EP300: variants seen among roughly 807,000 people sequenced by gnomAD.
The protein encoded by EP300 is histone acetyltransferase p300.
In EP300, 31 loss-of-function variants were observed where a neutral mutation model predicts 264.0. The ratio of observed to expected loss-of-function variants is 0.12; its 90% CI spans 0.09 to 0.16. The LOEUF (loss-of-function observed/expected upper bound fraction) is 0.16, where lower values mean the gene tolerates loss of function less well. Ranked by LOEUF, EP300 falls within the 10% of genes least tolerant of loss-of-function variation. EP300 has a pLI of 1.00. For synonymous variants in EP300, 1,340 were observed against 1,045.4 expected, an observed-to-expected ratio of 1.28 and a Z score of -5.44; for missense variants, 2,766 against 3,052.9, an observed-to-expected ratio of 0.91 and a Z score of 2.21.
chr22:41,093,774 A>G (rs1156349430), intron 1 of EP300, among the ~76,000 whole-genome samples: 1 of 152,074 alleles, frequency 6.6e-6, no homozygotes, highest in Non-Finnish European at 1.5e-5. Flanking sequence ...CTGGGTTTTT[A>G]GGTTGGGAGA....
rs58117147 is a variant in EP300 at position 41,134,898 on chromosome 22, T to TTTTCTTTCTTTCTTTC, written c.1529-911_1529-896dup. 2.7e-3 allele frequency among the ~76,000 whole-genome samples: 412 copies of TTTTCTTTCTTTCTTTC among 151,760 alleles called. 2 individuals carry two copies. Among genetic ancestry groups the TTTTCTTTCTTTCTTTC allele is most frequent in the African/African-American group, 9.4e-3 (386 of 41,204 alleles). On this transcript the variant is annotated intron_variant, in intron 6 of 30. Coordinates refer to ENST00000263253, the MANE Select transcript of EP300 (RefSeq NM_001429.4). ...TTCTGTCTTGGAATGAGCATTGCTT[T>TTTTCTTTCTTTCTTTC]TTTCTTTCTTTCTTTCTTTTTCTTT...
chr22:41,117,578 C>A lies in EP300; in HGVS notation c.486C>A (p.Ala162=). The change falls in exon 2 of 31, where the codon GCC becomes GCA. Residue 162 remains alanine, a synonymous_variant. Transcript: ENST00000263253. ...GMMNSPVNQP[A]MGMNTGMNAG... ...TGAACAGTCCAGTAAATCAGCCTGC[C>A]ATGGGAATGAACACAGGGATGAATG... The A allele has an allele frequency of 6.2e-7, 1 of 1,614,194 alleles. No individual in the cohort carries two copies. Among genetic ancestry groups the A allele is most frequent in the Non-Finnish European group, 8.5e-7 (1 of 1,180,040 alleles).
Position 41,170,499 on chromosome 22 carries a change from C to T in EP300, c.4380C>T (p.Pro1460=). The part of the protein sequence containing the change: ...CHPPDQKIPK[P]KRLQEWYKKM... ...CTCCTGACCAGAAGATACCCAAGCC[C>T]AAGCGACTGCAGGAATGGTACAAAA... Residue 1460 remains proline (P), a synonymous_variant, in exon 27 of 31, where the codon CCC becomes CCT. Coordinates refer to ENST00000263253, the MANE Select transcript of EP300 (RefSeq NM_001429.4). The T allele has an allele frequency of 6.2e-7, 1 of 1,614,000 alleles. No homozygotes were observed. Among genetic ancestry groups the T allele is most frequent in the Non-Finnish European group, 8.5e-7 (1 of 1,179,994 alleles).
Position 41,179,117 on chromosome 22 carries a change from C to G in EP300, c.*161C>G. On this transcript the variant is annotated 3_prime_UTR_variant, in exon 31 of 31. Transcript: ENST00000263253. Reference sequence around the variant, plus strand: ...CCGTTTGTGGTTTAAAGCAAACATGCAAGATGAACCTGAGGGATGATAGAA... The same window carrying G: ...CCGTTTGTGGTTTAAAGCAAACATGGAAGATGAACCTGAGGGATGATAGAA... The G allele has an allele frequency of 1.4e-6, 1 of 731,332 alleles. No homozygotes were observed. The highest frequency in any genetic ancestry group is 2.2e-6 in the Non-Finnish European group (1 of 450,660). The allele number at this position is 731,332 out of a possible 1,614,324, so 45.3% of individuals were successfully genotyped here. A position where few individuals can be genotyped will look rare whatever the true frequency, so the allele number is the denominator to read the frequency against.
rs2058890129 is a variant in EP300 at position 41,127,534 on chromosome 22, A to G, written c.954A>G (p.Pro318=). Residue 318 remains proline, a synonymous_variant, in exon 4 of 31, where the codon CCA becomes CCG. Transcript: ENST00000263253. Reference sequence around the variant, plus strand: ...TCCAGCAGCCAGGCCTGGTGACTCCAGTTGCCCAAGGGATGGGTTCTGGAG... The same window carrying G: ...TCCAGCAGCCAGGCCTGGTGACTCCGGTTGCCCAAGGGATGGGTTCTGGAG... The part of the protein sequence containing the change: ...PQVQQPGLVT[P]VAQGMGSGAH... The G allele has an allele frequency of 1.2e-6, 2 of 1,614,122 alleles. No individual in the cohort carries two copies. The highest frequency in any genetic ancestry group is 3.3e-5 in the Admixed American group (2 of 60,006).
At position 41,138,284 on chromosome 22, in the gene EP300, C is replaced by G. The variant is rs562823973; in HGVS notation, c.1760+494C>G. Among the ~76,000 whole-genome samples the G allele has an allele frequency of 4.4e-4, 67 of 152,254 alleles. 1 individual carries two copies. In the South Asian group the frequency reaches 0.011, roughly 26 times the overall value. On this transcript the variant is annotated intron_variant, in intron 8 of 30. Coordinates refer to ENST00000263253, the MANE Select transcript of EP300 (RefSeq NM_001429.4). ...GTGCCAGTGATTCTCCTGTCTCAGC[C>G]GCCCAGGTAGCTGGGACTACAGGCA...
intron 10 of EP300, among the ~76,000 whole-genome samples, chr22:41,146,165 A>ATTTT (rs130087): frequency 2.9e-5 from 4 of 139,064 alleles, no homozygotes; most frequent in Non-Finnish European, 3.1e-5. Flanking sequence ...GATGGCCTCA[A>ATTTT]TTTTTTTTTT....
chr22:41,167,660 G>GT (rs1279149916), intron 23 of EP300, among the ~76,000 whole-genome samples: 4 of 109,504 alleles, frequency 3.7e-5, no homozygotes, highest in African/African-American at 1.1e-4. Flanking sequence ...TGGGTTTTTT[G>GT]TTTTTTGGAA....
At chr22:41,155,160 A>G in intron 17 of EP300, 47 bp downstream of exon 17, 1 of 1,261,620 alleles carries the variant, frequency 7.9e-7, no homozygotes, top group Non-Finnish European at 1.2e-6. Flanking sequence ...ATTTGATAAC[A>G]GCTTTATTGA....
intron 1 of EP300, among the ~76,000 whole-genome samples, chr22:41,105,961 C>T (rs1428506504): frequency 6.6e-6 from 1 of 152,076 alleles, no homozygotes; most frequent in Non-Finnish European, 1.5e-5. Context: ...GAGATCTTGC[C>T]TGTCTTTCCA....
intron 6 of EP300, among the ~76,000 whole-genome samples, chr22:41,132,081 A>G (rs969254895): frequency 2.0e-5 from 3 of 151,588 alleles, no homozygotes; most frequent in African/African-American, 7.3e-5. Context: ...CTGTAATCCT[A>G]GCTACACGAG....
chr22:41,177,259 C>T lies in EP300; in HGVS notation c.5548C>T (p.Pro1850Ser). 1 of 1,614,124 alleles carries T rather than the reference C, an allele frequency of 6.2e-7. No individual in the cohort carries two copies. The highest frequency in any genetic ancestry group is 1.1e-5 in the South Asian group (1 of 91,084). ...TGGGCAGCAACAGGGCCTCCCTTCC[C>T]CCACTCCTGCCACTCCAACGACACC... is the stretch of plus-strand genomic sequence containing the variant. Reference protein sequence around the residue: ...VVGQQQGLPSPTPATPTTPTG... With the variant: ...VVGQQQGLPSSTPATPTTPTG... The change falls in exon 31 of 31, where the codon CCC (proline) becomes TCC (serine). Residue 1850 changes from proline (P) to serine (S), a missense_variant. Physicochemically the swap from Pro to Ser is moderately conservative, Grantham distance 74 (BLOSUM62 -1). Coordinates refer to ENST00000263253, the MANE Select transcript of EP300 (RefSeq NM_001429.4).
chr22:41,155,098 G>A lies in EP300; in HGVS notation c.3246G>A (p.Gln1082=). ...SLPFRQPVDP[Q]LLGIPDYFDI... is the part of the protein sequence containing the mutation. ...CCTTTCGTCAACCTGTGGACCCTCA[G>A]CTTTTAGGAATCCCTGTAAGTATTT... Residue 1082 remains glutamine, a synonymous_variant, in exon 17 of 31, where the codon CAG becomes CAA. Transcript: ENST00000263253. 6.2e-7 allele frequency: 1 copy of A among 1,611,328 alleles called. No homozygotes were observed. The highest frequency in any genetic ancestry group is 8.5e-7 in the Non-Finnish European group (1 of 1,177,642).
intron 6 of EP300, among the ~76,000 whole-genome samples, chr22:41,133,760 C>T (rs1205231800): frequency 6.6e-6 from 1 of 152,008 alleles, no homozygotes; most frequent in African/African-American, 2.4e-5. Context: ...TTTTTTCTTT[C>T]TGTTTTTCTT....
intron 1 of EP300, among the ~76,000 whole-genome samples, chr22:41,095,484 G>A (rs959864004): frequency 6.6e-6 from 1 of 151,754 alleles, no homozygotes; most frequent in African/African-American, 2.4e-5. Flanking sequence ...CACCCACCTT[G>A]GCCTCCCGAA....
In EP300 at chr22:41,142,432, A is replaced by G. The variant is rs577749119; in HGVS notation, c.2053+1210A>G. 7.9e-5 allele frequency among the ~76,000 whole-genome samples: 12 copies of G among 152,308 alleles called. No individual in the cohort carries two copies. In the South Asian group the frequency reaches 2.1e-3, roughly 26 times the overall value. ...AATGTGTAAAAAGTTGGGAGGAGCAACATTGCTGAGGAAATAGTATACATG... is the reference window on the plus strand; with the variant it reads ...AATGTGTAAAAAGTTGGGAGGAGCAGCATTGCTGAGGAAATAGTATACATG... On this transcript the variant is annotated intron_variant, in intron 10 of 30. Transcript: ENST00000263253.
In EP300 at chr22:41,157,512, C is replaced by CTTTT. The variant is rs1214250106; in HGVS notation, c.3501+123_3501+126dup. Reference sequence around the variant, plus strand: ...TATCCTGCTTCTGGCTTTGACATGGCTTTTTTTTTTTTTTTTTTTTTTCCT... The same window carrying CTTTT: ...TATCCTGCTTCTGGCTTTGACATGGCTTTTTTTTTTTTTTTTTTTTTTTTTTCCT... On this transcript the variant is annotated intron_variant, in intron 18 of 30. Transcript: ENST00000263253. The CTTTT allele has an allele frequency of 1.2e-4, 52 of 444,246 alleles. 2 individuals carry two copies. The highest frequency in any genetic ancestry group is 2.4e-4 in the African/African-American group (8 of 33,058). 27.5% of individuals were successfully genotyped at this position (444,246 alleles called of 1,614,324 possible).
chr22:41,167,114 T>TA (rs1287256357), intron 23 of EP300, among the ~76,000 whole-genome samples: 1 of 152,198 alleles, frequency 6.6e-6, no homozygotes, highest in Non-Finnish European at 1.5e-5. Context: ...TTTTCTGTCT[T>TA]AGCCTCCAGT....
chr22:41,111,876 CTTTTTTTTTTTTTTTTTT>C (rs71200661), intron 1 of EP300, among the ~76,000 whole-genome samples: 2 of 54,706 alleles, frequency 3.7e-5, no homozygotes, highest in Non-Finnish European at 6.3e-5. Flanking sequence ...AACTTGTAAC[CTTTTTTTTTTTTTTTTTT>C]TTTTTTTTTT....
Sources: gnomAD v4.1 joint callset for allele counts (sites outside exome capture counted in the v4.1 genomes callset) on GRCh38, gnomAD v4.1.1 for gene constraint, MANE v1.5 for transcripts, NCBI Gene and HGNC (gene_info 2026-07-23, HGNC 2026-07-21) for gene names.